Variants in MALRD1 observed in about 807,000 individuals in gnomAD.
MALRD1 encodes the protein MAM and LDL-receptor class A domain-containing protein 1.
MALRD1 carries 247 observed loss-of-function variants against 242.1 expected under a neutral mutation model. The observed-to-expected ratio is 1.02, with a 90% CI of 0.92 to 1.13. The LOEUF (loss-of-function observed/expected upper bound fraction) is 1.13. Ranked by LOEUF, MALRD1 falls within the 50% of genes most tolerant of loss-of-function variation. The pLI is 0.00. For synonymous variants in MALRD1, 995 were observed against 866.6 expected (o/e 1.15, Z -2.60); for missense variants, 2,989 against 2,533.1 (o/e 1.18, Z -3.86).
At chr10:19,259,418 A>G (rs554588004) in intron 19 of MALRD1, among the ~76,000 whole-genome samples, 3 of 152,280 alleles carry the variant, frequency 2.0e-5, no homozygotes, top group Non-Finnish European at 4.4e-5. Flanking sequence ...ACAGTTCTAC[A>G]TGGCTGTGAG....
At chr10:19,722,590 T>TAAGAAA (rs1834814332) in intron 38 of MALRD1, 1 of 45,366 alleles carries the variant, frequency 2.2e-5, no homozygotes, top group African/African-American at 1.2e-4. Context: ...ACCATGTCTC[T>TAAGAAA]AAAAAAAAAA....
intron 21 of MALRD1, among the ~76,000 whole-genome samples, chr10:19,308,817 T>C (rs1842322234): frequency 6.6e-6 from 1 of 151,614 alleles, no homozygotes; most frequent in African/African-American, 2.4e-5. Flanking sequence ...GCTTGCCTAA[T>C]GTAAATTTCC....
At chr10:19,438,806 G>A (rs1460791022) in intron 28 of MALRD1, among the ~76,000 whole-genome samples, 1 of 124,570 alleles carries the variant, frequency 8.0e-6, no homozygotes, top group African/African-American at 3.0e-5. Context: ...AGACCCCACA[G>A]CTCAGACAGA....
chr10:19,386,915 G>A (rs1322404288), intron 26 of MALRD1, among the ~76,000 whole-genome samples: 1 of 152,048 alleles, frequency 6.6e-6, no homozygotes, highest in Admixed American at 6.6e-5. Context: ...CTCATGTTTT[G>A]TAAACAAATC....
chr10:19,108,658 C>T (rs1279929116), intron 5 of MALRD1, among the ~76,000 whole-genome samples: 1 of 26,742 alleles, frequency 3.7e-5, no homozygotes, highest in Non-Finnish European at 6.1e-5. Context: ...ACCTCATGAT[C>T]CACCCGCCTC....
chr10:19,712,054 G>T (rs778159269), intron 38 of MALRD1, among the ~76,000 whole-genome samples: 26 of 152,138 alleles, frequency 1.7e-4, no homozygotes, highest in Non-Finnish European at 2.9e-4. Flanking sequence ...ATACTATCTT[G>T]GAGGCCTGAT....
At chr10:19,205,640 T>G (rs1836750203) in intron 17 of MALRD1, among the ~76,000 whole-genome samples, 1 of 152,062 alleles carries the variant, frequency 6.6e-6, no homozygotes, top group Non-Finnish European at 1.5e-5. Context: ...TTCTAGACAT[T>G]GGGACTTAGA....
intron 8 of MALRD1, among the ~76,000 whole-genome samples, chr10:19,133,143 A>G (rs1258813210): frequency 6.6e-6 from 1 of 151,964 alleles, no homozygotes; most frequent in African/African-American, 2.4e-5. Flanking sequence ...TTCACCATAG[A>G]CTTTTATTGA....
intron 22 of MALRD1, among the ~76,000 whole-genome samples, chr10:19,324,465 A>C (rs1273867817): frequency 6.6e-6 from 1 of 152,102 alleles, no homozygotes; most frequent in African/African-American, 2.4e-5. Flanking sequence ...GTTGCCTTTG[A>C]TGGTAGTAGT....
chr10:19,112,356 A>G (rs1676452320), intron 5 of MALRD1, among the ~76,000 whole-genome samples: 1 of 152,038 alleles, frequency 6.6e-6, no homozygotes, highest in Non-Finnish European at 1.5e-5. Context: ...CATGCCGTTC[A>G]GCATCTTCTG....
rs529856985 is a variant in MALRD1, at chr10:19,578,028, G to T, written c.5680+10325G>T. 7.2e-5 allele frequency among the ~76,000 whole-genome samples: 11 copies of T among 152,154 alleles called. 1 individual carries two copies. In the South Asian group the frequency reaches 2.3e-3, roughly 32 times the overall value. On this transcript the variant is annotated intron_variant, in intron 33 of 39. Transcript: ENST00000454679. ...TTATTAAGATTTTTCTGATTCCCTG[G>T]AACACATATGTTGTTTGCTGGAAAG...
intron 5 of MALRD1, among the ~76,000 whole-genome samples, 193 bp from the exon 6 acceptor site, chr10:19,123,299 G>GTGAGTA (rs1837132055): frequency 1.6e-5 from 2 of 128,426 alleles, no homozygotes; most frequent in African/African-American, 6.4e-5. Context: ...TATTTGAGTG[G>GTGAGTA]TGTGTATGTG....
chr10:19,593,615 A>T (rs188596008), intron 33 of MALRD1, among the ~76,000 whole-genome samples: 2 of 152,302 alleles, frequency 1.3e-5, no homozygotes, highest in African/African-American at 4.8e-5. Flanking sequence ...GACAATACAA[A>T]GTGTAAGAAG....
chr10:19,464,889 C>T (rs1179133222), intron 29 of MALRD1, among the ~76,000 whole-genome samples: 2 of 151,492 alleles, frequency 1.3e-5, no homozygotes, highest in African/African-American at 4.9e-5. Context: ...TTGCTTTCAG[C>T]AGTGTTTTAT....
intron 21 of MALRD1, among the ~76,000 whole-genome samples, chr10:19,299,853 T>C: frequency 6.6e-6 from 1 of 151,930 alleles, no homozygotes; most frequent in East Asian, 1.9e-4. Flanking sequence ...AACATAGCTC[T>C]GGAGCCTTAG....
intron 24 of MALRD1, among the ~76,000 whole-genome samples, chr10:19,340,772 C>G (rs989947299): frequency 2.4e-4 from 37 of 152,166 alleles, no homozygotes; most frequent in African/African-American, 7.9e-4. Flanking sequence ...TTCAAAATAT[C>G]ATTACTTTTT....
chr10:19,258,027 T>G (rs969189377), intron 19 of MALRD1, among the ~76,000 whole-genome samples: 2 of 152,172 alleles, frequency 1.3e-5, no homozygotes, highest in Non-Finnish European at 2.9e-5. Context: ...AAATCATGTC[T>G]GAAGTTAAAA....
chr10:19,624,903 C>G (rs962603938), intron 36 of MALRD1, among the ~76,000 whole-genome samples: 1 of 141,144 alleles, frequency 7.1e-6, no homozygotes, highest in East Asian at 2.1e-4. Flanking sequence ...AAAAAAAGAT[C>G]GGGAACATTT....
At chr10:19,251,142 C>G (rs186608688) in intron 18 of MALRD1, among the ~76,000 whole-genome samples, 37 of 151,864 alleles carry the variant, frequency 2.4e-4, no homozygotes, top group African/African-American at 8.9e-4. Context: ...TTAACCATTC[C>G]AGTGTGCAGA....
Sources: gnomAD v4.1 joint callset for allele counts (sites outside exome capture counted in the v4.1 genomes callset) on GRCh38, gnomAD v4.1.1 for gene constraint, MANE v1.5 for transcripts, NCBI Gene and HGNC (gene_info 2026-07-23, HGNC 2026-07-21) for gene names.